TINCR: variants seen among roughly 807,000 people sequenced by gnomAD.
The protein encoded by TINCR is TINCR-encoded ubiquitin-like protein.
At chr19:5,562,003 T>G (rs571826260), downstream of TINCR, 7 of 152,742 alleles carry the variant, frequency 4.6e-5, no homozygotes, top group East Asian at 1.4e-3. The surrounding 1 kb of genome is among the most constrained non-coding windows in gnomAD (Gnocchi z 4.4). Flanking sequence ...TCTTCTCCTC[T>G]CTGGGCCTCA....
intron 1 of TINCR, among the ~76,000 whole-genome samples, chr19:5,566,190 G>GA (rs1429623274): frequency 1.1e-4 from 17 of 151,850 alleles, no homozygotes; most frequent in African/African-American, 4.1e-4. Context: ...CAGAGACAGA[G>GA]AAAAACAGCA....
chr19:5,566,863 G>A (rs759615627), intron 1 of TINCR, among the ~76,000 whole-genome samples: 1 of 151,718 alleles, frequency 6.6e-6, no homozygotes, highest in Non-Finnish European at 1.5e-5. Flanking sequence ...ACCAGAGAGG[G>A]AGACAGAAAA....
chr19:5,566,423 AAGAG>A (rs541460122), intron 1 of TINCR, among the ~76,000 whole-genome samples: 9 of 151,706 alleles, frequency 5.9e-5, no homozygotes, highest in Non-Finnish European at 1.3e-4. Context: ...GAGACAGAGA[AAGAG>A]AGACAGAAAT....
At chr19:5,558,903 T>C (rs570227079), downstream of TINCR, 3 of 146,128 alleles carry the variant, frequency 2.1e-5, no homozygotes, top group Admixed American at 2.1e-4. Context: ...AAGAGAAAAA[T>C]GGAAGATAGG....
rs1021948199 is a variant in TINCR, at chr19:5,565,333, C to A, written c.260+2332G>T. ...ACATGTCACCTTTCCGGAGAGGCGT[C>A]CCCCAGTCACTGATCCCTCTCCACC... is the stretch of plus-strand genomic sequence containing the variant. On this transcript the variant is annotated intron_variant, in intron 1 of 1. Coordinates refer to ENST00000646160, the Ensembl canonical transcript of TINCR. This position sits in a 1 kb window ranked among gnomAD's most constrained non-coding sequence, Gnocchi z 4.0. Among the ~76,000 whole-genome samples the A allele has an allele frequency of 6.6e-6, 1 of 152,204 alleles. No individual in the cohort carries two copies. Among genetic ancestry groups the A allele is most frequent in the South Asian group, 2.1e-4 (1 of 4,834 alleles).
rs946134926 is a variant in TINCR, at chr19:5,565,180, GCCT to G, written c.261-2234_261-2232del. Among the ~76,000 whole-genome samples the G allele has an allele frequency of 6.6e-6, 1 of 152,004 alleles. No individual in the cohort carries two copies. The highest frequency in any genetic ancestry group is 2.4e-5 in the African/African-American group (1 of 41,398). On this transcript the variant is annotated intron_variant, in intron 1 of 1. Coordinates refer to ENST00000646160, the Ensembl canonical transcript of TINCR. This position sits in a 1 kb window ranked among gnomAD's most constrained non-coding sequence, Gnocchi z 4.0. ...TCTCCCCCTTGCTCCAGCCACACGG[GCCT>G]CCTCGCTGTTCCTCCAACATGCCAG... is the stretch of plus-strand genomic sequence containing the variant.
At chr19:5,567,270 A>T (rs983098364) in intron 1 of TINCR, among the ~76,000 whole-genome samples, 8 of 152,128 alleles carry the variant, frequency 5.3e-5, no homozygotes, top group African/African-American at 1.9e-4. Context: ...CAAAAGAGAG[A>T]GATGAAAGAG....
chr19:5,564,352 G>A lies in TINCR; in HGVS notation c.261-1403C>T, dbSNP rs546887175. ...AGTAGCCCCTGCTCTGCCTCTAGAG[G>A]TCTGGGAGTGGTCTGGGGAGCTCAG... On this transcript the variant is annotated intron_variant, in intron 1 of 1. Transcript: ENST00000646160. Among the ~76,000 whole-genome samples, 4 of 152,314 alleles carry A rather than the reference G, an allele frequency of 2.6e-5. No individual in the cohort carries two copies. In the South Asian group the frequency reaches 6.2e-4, roughly 24 times the overall value.
intron 1 of TINCR, among the ~76,000 whole-genome samples, chr19:5,567,146 G>C (rs546149923): frequency 6.6e-5 from 10 of 151,692 alleles, no homozygotes; most frequent in Non-Finnish European, 1.3e-4. Flanking sequence ...AAAAGAGACA[G>C]AGACAAGAGA....
chr19:5,566,918 C>CAG (rs1433087414), intron 1 of TINCR, among the ~76,000 whole-genome samples: 1 of 149,510 alleles, frequency 6.7e-6, no homozygotes, highest in Non-Finnish European at 1.5e-5. Flanking sequence ...AGGAAAACAG[C>CAG]AGAGAGAGAA....
At chr19:5,560,668 C>G (rs1247783725), downstream of TINCR, 1 of 152,326 alleles carries the variant, frequency 6.6e-6, no homozygotes, top group East Asian at 1.9e-4. The surrounding 1 kb of genome is among the most constrained non-coding windows in gnomAD (Gnocchi z 4.5). Flanking sequence ...AGAACCCCTT[C>G]CCCGCTGCCC....
At chr19:5,566,711 G>A (rs1206695292) in intron 1 of TINCR, among the ~76,000 whole-genome samples, 3 of 151,326 alleles carry the variant, frequency 2.0e-5, no homozygotes, top group African/African-American at 7.3e-5. Flanking sequence ...TGGACAAAGA[G>A]ACAAAAGAGA....
downstream of TINCR, chr19:5,561,276 G>C (rs1269760997): frequency 6.5e-6 from 1 of 153,842 alleles, no homozygotes; most frequent in African/African-American, 2.4e-5. Flanking sequence ...CCTCCCGATA[G>C]GCTGGGCAGG....
chr19:5,560,223 A>C (rs2052093899), downstream of TINCR: 1 of 152,264 alleles, frequency 6.6e-6, no homozygotes, highest in Admixed American at 6.5e-5. The surrounding 1 kb of genome is among the most constrained non-coding windows in gnomAD (Gnocchi z 4.5). Flanking sequence ...GATGCTCTGA[A>C]GGGAGGCGAG....
At chr19:5,564,333 C>T (rs1206434242) in intron 1 of TINCR, among the ~76,000 whole-genome samples, 2 of 152,214 alleles carry the variant, frequency 1.3e-5, no homozygotes, top group Non-Finnish European at 2.9e-5. Flanking sequence ...CACTAGTAGC[C>T]CCTGCTCTGC....
At chr19:5,560,813 G>C (rs1334472397), downstream of TINCR, 2 of 152,630 alleles carry the variant, frequency 1.3e-5, 1 homozygote, top group Non-Finnish European at 2.9e-5. This position sits in a 1 kb window ranked among gnomAD's most constrained non-coding sequence, Gnocchi z 4.5. Context: ...GAAGGAGCTA[G>C]GATGTCCGCA....
chr19:5,567,635 G>A (rs1299272266), intron 1 of TINCR, 30 bp downstream of exon 1: 4 of 122,530 alleles, frequency 3.3e-5, no homozygotes, highest in South Asian at 4.5e-4. Context: ...CGCCGCCCCC[G>A]CCCCACCCCA....
intron 1 of TINCR, among the ~76,000 whole-genome samples, chr19:5,564,058 C>A (rs2052115179): frequency 1.3e-5 from 2 of 152,204 alleles, no homozygotes. Context: ...ACCTGTCTCC[C>A]TGCAACGCTG....
chr19:5,566,254 G>A (rs537131274), intron 1 of TINCR, among the ~76,000 whole-genome samples: 1 of 152,056 alleles, frequency 6.6e-6, no homozygotes, highest in Non-Finnish European at 1.5e-5. Context: ...CACATGTTGA[G>A]ACACAGCGAG....
Sources: gnomAD v4.1 joint callset for allele counts (sites outside exome capture counted in the v4.1 genomes callset) on GRCh38, gnomAD v4.1.1 for gene constraint, Gnocchi (gnomAD v3.1) non-coding constraint, MANE v1.5 for transcripts, NCBI Gene and HGNC (gene_info 2026-07-23, HGNC 2026-07-21) for gene names.